The following CELF4 variants were observed in gnomAD, a reference collection of about 807,000 sequenced individuals.
The protein encoded by CELF4 is CUG-BP- and ETR-3-like factor 4.
In CELF4, 18 loss-of-function variants were observed where a neutral mutation model predicts 59.9. The ratio of observed to expected loss-of-function variants is 0.30; its 90% CI spans 0.21 to 0.45. CELF4 has a LOEUF of 0.45. Among genes scored for constraint, CELF4 ranks in the 20% least tolerant of loss-of-function variants. The pLI, the probability that CELF4 is intolerant of heterozygous loss-of-function variation, is 1.00. For missense variants in CELF4, 456 were observed against 689.0 expected, an observed-to-expected ratio of 0.66 and a Z score of 3.79; for synonymous variants, 261 against 267.1, an observed-to-expected ratio of 0.98 and a Z score of 0.22.
chr18:37,474,643 C>G (rs564681183), intron 2 of CELF4, among the ~76,000 whole-genome samples: 16 of 152,340 alleles, frequency 1.1e-4, no homozygotes, highest in African/African-American at 3.4e-4. Context: ...CTGGGTGATG[C>G]TGTCTTAAAT....
chr18:37,544,724 C>T (rs1432584748), intron 1 of CELF4, among the ~76,000 whole-genome samples: 2 of 152,164 alleles, frequency 1.3e-5, no homozygotes, highest in East Asian at 1.9e-4. Context: ...ACAGTTATAA[C>T]AACAGCCTAA....
intron 3 of CELF4, among the ~76,000 whole-genome samples, chr18:37,301,873 C>T (rs1280812693): frequency 6.6e-6 from 1 of 152,176 alleles, no homozygotes; most frequent in South Asian, 2.1e-4. Flanking sequence ...TTCCTGTCCA[C>T]GGAGCAGGTA....
intron 2 of CELF4, among the ~76,000 whole-genome samples, chr18:37,351,389 G>A (rs775369493): frequency 4.3e-4 from 65 of 151,948 alleles, no homozygotes; most frequent in Admixed American, 1.2e-3. Flanking sequence ...CTCCTCCTGC[G>A]TGCCTGTTCA....
chr18:37,347,545 C>T (rs533053803), intron 2 of CELF4, among the ~76,000 whole-genome samples: 3 of 152,138 alleles, frequency 2.0e-5, no homozygotes, highest in Admixed American at 6.5e-5. Context: ...CGGGGCAGGT[C>T]GTCACCTGCA....
chr18:37,340,822 C>A (rs1231349221), intron 2 of CELF4, among the ~76,000 whole-genome samples: 2 of 152,344 alleles, frequency 1.3e-5, no homozygotes, highest in Admixed American at 6.5e-5. Flanking sequence ...AAGCTACTGG[C>A]AGCATCTCAC....
rs556603946 is a variant in CELF4, at chr18:37,267,755, G to T, written c.1100-1157C>A. Among the ~76,000 whole-genome samples the T allele has an allele frequency of 2.2e-3, 341 of 152,294 alleles. 3 individuals are homozygous for T. In the South Asian group the frequency reaches 0.027, roughly 12 times the overall value. Reference sequence around the variant, plus strand: ...CCTCCACTAGAAAAAGGGCACCTGGGCTGGGCACGGTGGCTCATGCCTGCA... The same window carrying T: ...CCTCCACTAGAAAAAGGGCACCTGGTCTGGGCACGGTGGCTCATGCCTGCA... On this transcript the variant is annotated intron_variant, in intron 8 of 12. Coordinates refer to ENST00000420428, the MANE Select transcript of CELF4 (RefSeq NM_020180.4).
At chr18:37,478,737 C>T (rs886308070) in intron 2 of CELF4, among the ~76,000 whole-genome samples, 1 of 152,232 alleles carries the variant, frequency 6.6e-6, no homozygotes, top group Non-Finnish European at 1.5e-5. Context: ...TCGAAGGCAT[C>T]ACAGATGTAG....
At chr18:37,279,019 A>G (rs2154375862) in intron 3 of CELF4, among the ~76,000 whole-genome samples, 2 of 150,950 alleles carry the variant, frequency 1.3e-5, no homozygotes, top group African/African-American at 4.9e-5. Context: ...CTGTTTCCCC[A>G]GCCCGTGCCC....
intron 2 of CELF4, among the ~76,000 whole-genome samples, chr18:37,436,609 G>A (rs1457646271): frequency 6.6e-6 from 1 of 152,212 alleles, no homozygotes. Flanking sequence ...TCCCTGGCAA[G>A]CAGCTCAGGC....
intron 2 of CELF4, among the ~76,000 whole-genome samples, chr18:37,381,298 G>A (rs1373948459): frequency 6.6e-6 from 1 of 152,230 alleles, no homozygotes; most frequent in African/African-American, 2.4e-5. Context: ...AGGCAATTAT[G>A]TCACAAAATC....
intron 2 of CELF4, among the ~76,000 whole-genome samples, chr18:37,395,170 C>G (rs1312954573): frequency 2.0e-5 from 3 of 152,114 alleles, no homozygotes; most frequent in South Asian, 2.1e-4. Flanking sequence ...CCTGGCAGAG[C>G]CTTAGTGGAC....
intron 1 of CELF4, among the ~76,000 whole-genome samples, chr18:37,535,096 G>C (rs544915591): frequency 6.6e-6 from 1 of 152,258 alleles, no homozygotes; most frequent in African/African-American, 2.4e-5. Context: ...GCTGCCGTGT[G>C]GCCTCGGATG....
chr18:37,359,181 C>T (rs1647540048), intron 2 of CELF4, among the ~76,000 whole-genome samples: 1 of 152,154 alleles, frequency 6.6e-6, no homozygotes, highest in Admixed American at 6.5e-5. Context: ...ACAAGGGAGC[C>T]TGGCAAAGGA....
At chr18:37,561,895 C>T (rs1276888720) in intron 1 of CELF4, among the ~76,000 whole-genome samples, 1 of 152,162 alleles carries the variant, frequency 6.6e-6, no homozygotes, top group Admixed American at 6.5e-5. Flanking sequence ...CAATCTTTCC[C>T]AAAGTGCTCT....
chr18:37,478,642 G>C (rs1319517594), intron 2 of CELF4, among the ~76,000 whole-genome samples: 1 of 152,204 alleles, frequency 6.6e-6, no homozygotes, highest in Non-Finnish European at 1.5e-5. Context: ...ATGTCTCTGT[G>C]GGGAGGAGAT....
At chr18:37,465,070 C>T (rs2099804301) in intron 2 of CELF4, among the ~76,000 whole-genome samples, 1 of 152,152 alleles carries the variant, frequency 6.6e-6, no homozygotes, top group African/African-American at 2.4e-5. Flanking sequence ...TTAAAGAGGG[C>T]AATTCCTGTC....
chr18:37,386,368 AC>A (rs1410876860), intron 2 of CELF4, among the ~76,000 whole-genome samples: 17 of 152,224 alleles, frequency 1.1e-4, no homozygotes, highest in African/African-American at 4.1e-4. Flanking sequence ...GTGGTGGCTT[AC>A]AGTGGTAGGA....
At position 37,253,985 on chromosome 18, in the gene CELF4, C is replaced by T; in HGVS notation, c.1334-47G>A. Reference sequence around the variant, plus strand: ...GGGCCTGGGTTTCCACGGGGCCGCCCGGGGCGCTGCCGGCGGGGAGGGGTC... The same window carrying T: ...GGGCCTGGGTTTCCACGGGGCCGCCTGGGGCGCTGCCGGCGGGGAGGGGTC... On this transcript the variant is annotated intron_variant, in intron 11 of 12. Coordinates refer to ENST00000420428, the MANE Select transcript of CELF4 (RefSeq NM_020180.4). This position sits in a 1 kb window ranked among gnomAD's most constrained non-coding sequence, Gnocchi z 4.5. 2 of 797,950 alleles carry T rather than the reference C, an allele frequency of 2.5e-6. No homozygotes were observed. Among genetic ancestry groups the T allele is most frequent in the South Asian group, 1.9e-5 (1 of 52,074 alleles). 49.4% of individuals were successfully genotyped at this position (797,950 alleles called of 1,614,324 possible).
chr18:37,477,090 GGCC>G (rs2099851978), intron 2 of CELF4, among the ~76,000 whole-genome samples: 2 of 152,242 alleles, frequency 1.3e-5, no homozygotes, highest in Non-Finnish European at 2.9e-5. Flanking sequence ...GAAATGCCAA[GGCC>G]AGCAAGGTCG....
Sources: gnomAD v4.1 joint callset for allele counts (sites outside exome capture counted in the v4.1 genomes callset) on GRCh38, gnomAD v4.1.1 for gene constraint, Gnocchi (gnomAD v3.1) non-coding constraint, MANE v1.5 for transcripts, NCBI Gene and HGNC (gene_info 2026-07-23, HGNC 2026-07-21) for gene names.